Variants in C4orf51 observed in about 807,000 individuals in gnomAD.
The protein encoded by C4orf51 is uncharacterized protein C4orf51.
In C4orf51, 25 loss-of-function variants were observed where a neutral mutation model predicts 25.2. The ratio of observed to expected loss-of-function variants is 0.99; its 90% CI spans 0.72 to 1.39. The LOEUF (loss-of-function observed/expected upper bound fraction) is 1.39, where lower values mean the gene tolerates loss of function less well. Ranked by LOEUF, C4orf51 falls within the 40% of genes most tolerant of loss-of-function variation. C4orf51 has a pLI of 0.00. For missense variants in C4orf51, 252 were observed against 239.6 expected (o/e 1.05, Z -0.34); for synonymous variants, 100 against 84.5 (o/e 1.18, Z -1.01).
downstream of C4orf51, among the ~76,000 whole-genome samples, chr4:145,772,009 CT>C (rs1458929845): frequency 1.3e-5 from 2 of 152,210 alleles, no homozygotes; most frequent in Non-Finnish European, 2.9e-5. Flanking sequence ...CACAATACTA[CT>C]TATGGTACCA....
intron 1 of C4orf51, among the ~76,000 whole-genome samples, chr4:145,692,180 A>C (rs1366761363): frequency 6.6e-6 from 1 of 152,246 alleles, no homozygotes; most frequent in African/African-American, 2.4e-5. Flanking sequence ...ATGTAGAATA[A>C]GTACTATTCA....
chr4:145,729,758 CAGA>C, intron 4 of C4orf51, 131 bp from the exon 5 acceptor site: 2 of 664,744 alleles, frequency 3.0e-6, no homozygotes, highest in South Asian at 3.6e-5. Context: ...ATGCTGGTGG[CAGA>C]GGAGGGGGCT....
At chr4:145,733,860 CAGA>C (rs1218177480), downstream of C4orf51, among the ~76,000 whole-genome samples, 2 of 152,154 alleles carry the variant, frequency 1.3e-5, no homozygotes, top group African/African-American at 4.8e-5. Context: ...ACATCCCAGG[CAGA>C]AGGAGAGAAA....
intron 2 of C4orf51, among the ~76,000 whole-genome samples, chr4:145,704,022 A>G (rs1415577477): frequency 1.3e-5 from 2 of 152,210 alleles, no homozygotes; most frequent in Non-Finnish European, 2.9e-5. Context: ...AAACGTGTAT[A>G]TTATCCTGAG....
chr4:145,736,256 T>C (rs548342593), downstream of C4orf51, among the ~76,000 whole-genome samples: 1 of 151,718 alleles, frequency 6.6e-6, no homozygotes, highest in South Asian at 2.1e-4. Context: ...AGGTGAGCGC[T>C]CTCAGCTAGG....
At chr4:145,770,806 T>G (rs1471693841) in intron 1 of C4orf51, among the ~76,000 whole-genome samples, 1 of 152,230 alleles carries the variant, frequency 6.6e-6, no homozygotes, top group Non-Finnish European at 1.5e-5. Flanking sequence ...TATTTTCCCA[T>G]GAATAAATTC....
intron 2 of C4orf51, among the ~76,000 whole-genome samples, chr4:145,710,295 GAA>G (rs1731060457): frequency 6.6e-6 from 1 of 152,206 alleles, no homozygotes; most frequent in Non-Finnish European, 1.5e-5. Flanking sequence ...GAGCAGGAAT[GAA>G]AAGAGGTAAA....
the C4orf51 span, among the ~76,000 whole-genome samples, chr4:145,776,862 C>T: frequency 1.3e-5 from 2 of 152,002 alleles, no homozygotes; most frequent in Non-Finnish European, 2.9e-5. Context: ...TAATGGAAAC[C>T]CTCTCATAAA....
the C4orf51 span, among the ~76,000 whole-genome samples, chr4:145,777,712 T>C: frequency 6.6e-6 from 1 of 152,210 alleles, no homozygotes; most frequent in Non-Finnish European, 1.5e-5. Flanking sequence ...GGCCATTTCT[T>C]TCTAGACTTT....
intron 2 of C4orf51, among the ~76,000 whole-genome samples, chr4:145,712,839 A>G (rs953882927): frequency 6.6e-6 from 1 of 152,224 alleles, no homozygotes; most frequent in East Asian, 1.9e-4. Context: ...CTTGGCTTCA[A>G]AACTTCAAAG....
chr4:145,753,550 A>C (rs1733794372), intron 1 of C4orf51, among the ~76,000 whole-genome samples: 1 of 152,150 alleles, frequency 6.6e-6, no homozygotes, highest in Non-Finnish European at 1.5e-5. Context: ...TTATGAGTGC[A>C]CCTACTCCTT....
In C4orf51 at chr4:145,729,427, G is replaced by A. The variant is rs537740199; in HGVS notation, c.427+198G>A. Among the ~76,000 whole-genome samples the A allele has an allele frequency of 4.4e-4, 64 of 144,874 alleles. No individual in the cohort carries two copies. In the Middle Eastern group the frequency reaches 0.016, roughly 36 times the overall value. On this transcript the variant is annotated intron_variant, in intron 4 of 5. Transcript: ENST00000438731. ...CGCCATTCTCCTGCCTCAGCCTCCC[G>A]AGTAGCTGGGACTACCGGCGCCCGC...
In C4orf51 at chr4:145,761,397, G is replaced by A. The variant is rs1044048313; in HGVS notation, n.167-9591G>A. 2 of 1,289,820 alleles carry A rather than the reference G, an allele frequency of 1.6e-6. No individual in the cohort carries two copies. The highest frequency in any genetic ancestry group is 4.6e-5 in the Admixed American group (2 of 43,556). The allele number at this position is 1,289,820 out of a possible 1,614,324, so 79.9% of individuals were successfully genotyped here. Reference sequence around the variant, plus strand: ...GGACGCGCACGTGCTCGATGAGCTTGTTGGCGGTCTTGGACAGGTAGCCGC... The same window carrying A: ...GGACGCGCACGTGCTCGATGAGCTTATTGGCGGTCTTGGACAGGTAGCCGC... On this transcript the variant is annotated intron_variant and non_coding_transcript_variant, in intron 1 of 1. Transcript: ENST00000510096. This position sits in a 1 kb window ranked among gnomAD's most constrained non-coding sequence, Gnocchi z 6.8.
chr4:145,752,225 C>T (rs896272753), intron 1 of C4orf51, among the ~76,000 whole-genome samples: 1 of 152,204 alleles, frequency 6.6e-6, no homozygotes, highest in East Asian at 1.9e-4. Flanking sequence ...GAAGGAATCT[C>T]TCACAGTAGG....
chr4:145,686,144 T>G (rs1729139618), intron 1 of C4orf51, among the ~76,000 whole-genome samples: 1 of 152,210 alleles, frequency 6.6e-6, no homozygotes, highest in Non-Finnish European at 1.5e-5. Flanking sequence ...AGCTTTATGC[T>G]AAGTGAATAA....
chr4:145,767,731 A>G (rs1029256593), intron 1 of C4orf51, among the ~76,000 whole-genome samples: 6 of 152,244 alleles, frequency 3.9e-5, no homozygotes, highest in Non-Finnish European at 5.9e-5. Context: ...ACTGAAAGAT[A>G]CACTGTCAAC....
Position 145,761,968 on chromosome 4 carries a change from C to T in C4orf51, n.167-9020C>T, listed in dbSNP as rs1353070598. 6.6e-6 allele frequency among the ~76,000 whole-genome samples: 1 copy of T among 152,122 alleles called. No individual in the cohort carries two copies. Among genetic ancestry groups the T allele is most frequent in the Non-Finnish European group, 1.5e-5 (1 of 68,024 alleles). On this transcript the variant is annotated intron_variant and non_coding_transcript_variant, in intron 1 of 1. Transcript: ENST00000510096. The surrounding 1 kb of genome is among the most constrained non-coding windows in gnomAD (Gnocchi z 6.8). ...GCCCTCCCCACTCCCGACCAGACAG[C>T]GCAGAGGTCTAAACCTCCTGACCTC...
intron 2 of C4orf51, among the ~76,000 whole-genome samples, chr4:145,698,360 A>G (rs983104134): frequency 3.9e-5 from 6 of 152,228 alleles, no homozygotes; most frequent in Admixed American, 3.3e-4. Context: ...TGAGACATCA[A>G]TCAATACATG....
chr4:145,748,640 C>T (rs557250152), intron 1 of C4orf51, among the ~76,000 whole-genome samples: 64 of 151,998 alleles, frequency 4.2e-4, no homozygotes, highest in Admixed American at 2.6e-4. Flanking sequence ...ATTGACGCAC[C>T]GACCATTCAG....
Sources: allele counts gnomAD v4.1 joint callset (sites outside exome capture counted in the v4.1 genomes callset), GRCh38; gene constraint gnomAD v4.1.1; non-coding constraint Gnocchi (gnomAD v3.1); transcripts MANE v1.5; gene names NCBI Gene and HGNC (gene_info 2026-07-23, HGNC 2026-07-21).